Variants in ASIC2 observed in about 807,000 individuals in gnomAD.
ASIC2 encodes the protein acid-sensing ion channel 2.
Under a neutral mutation model 57.3 loss-of-function variants are expected in ASIC2, and 25 were observed. The ratio of observed to expected loss-of-function variants is 0.44; its 90% CI spans 0.32 to 0.61. The LOEUF (loss-of-function observed/expected upper bound fraction) is 0.61. ASIC2 is among the 20% of genes least tolerant of loss of function. ASIC2 has a pLI of 0.06. For synonymous variants in ASIC2, 319 were observed against 307.5 expected, an observed-to-expected ratio of 1.04 and a Z score of -0.39; for missense variants, 641 against 738.1, an observed-to-expected ratio of 0.87 and a Z score of 1.52.
intron 1 of ASIC2, among the ~76,000 whole-genome samples, chr17:33,250,379 C>A (rs1908838710): frequency 6.6e-6 from 1 of 152,184 alleles, no homozygotes; most frequent in Admixed American, 6.5e-5. Context: ...ATAGCCCAGC[C>A]CAGCACTTCG....
chr17:33,710,978 G>A (rs1227519662), intron 1 of ASIC2, among the ~76,000 whole-genome samples: 1 of 132,948 alleles, frequency 7.5e-6, no homozygotes, highest in Non-Finnish European at 1.6e-5. Flanking sequence ...ACAGGGTCTT[G>A]CTCTGTTATC....
chr17:33,640,906 T>C (rs1049165186), intron 1 of ASIC2, among the ~76,000 whole-genome samples: 1 of 152,124 alleles, frequency 6.6e-6, no homozygotes, highest in Non-Finnish European at 1.5e-5. Flanking sequence ...AGGAGGCATG[T>C]TTCATGGGGG....
chr17:33,790,921 A>G (rs1911750468), intron 1 of ASIC2, among the ~76,000 whole-genome samples: 2 of 152,168 alleles, frequency 1.3e-5, no homozygotes, highest in Non-Finnish European at 1.5e-5. Context: ...CAGATGCTAT[A>G]TTATCCCTTT....
intron 1 of ASIC2, among the ~76,000 whole-genome samples, chr17:33,415,328 C>G (rs1047658787): frequency 6.6e-6 from 1 of 152,152 alleles, no homozygotes. Flanking sequence ...CCCATATACT[C>G]TAAATTATCT....
intron 1 of ASIC2, among the ~76,000 whole-genome samples, chr17:33,837,704 T>C (rs1567730131): frequency 1.3e-5 from 2 of 152,154 alleles, no homozygotes; most frequent in Non-Finnish European, 2.9e-5. Flanking sequence ...CTACAGGGCT[T>C]AAATCTGTTA....
intron 5 of ASIC2, 144 bp downstream of exon 5, chr17:33,025,782 G>A (rs552773853): frequency 1.4e-6 from 1 of 724,106 alleles, no homozygotes; most frequent in Non-Finnish European, 2.1e-6. Context: ...CATCCCTGCA[G>A]CAACTCCACC....
intron 1 of ASIC2, among the ~76,000 whole-genome samples, chr17:33,140,014 T>C (rs774571881): frequency 7.2e-5 from 11 of 152,192 alleles, no homozygotes; most frequent in Non-Finnish European, 1.2e-4. Flanking sequence ...TATTTGGGTG[T>C]TTTTTCAAAT....
intron 1 of ASIC2, among the ~76,000 whole-genome samples, chr17:34,084,259 A>G (rs1910009150): frequency 6.6e-6 from 1 of 151,982 alleles, no homozygotes; most frequent in Non-Finnish European, 1.5e-5. Context: ...AGTTTTCCAC[A>G]TATGGCTAGC....
chr17:33,532,893 C>G (rs1210684871), intron 1 of ASIC2, among the ~76,000 whole-genome samples: 1 of 152,198 alleles, frequency 6.6e-6, no homozygotes, highest in Non-Finnish European at 1.5e-5. Context: ...TTGGCTGGGG[C>G]TCTCCTGTGC....
At chr17:33,584,891 C>G (rs150302988) in intron 1 of ASIC2, among the ~76,000 whole-genome samples, 2 of 152,180 alleles carry the variant, frequency 1.3e-5, no homozygotes, top group African/African-American at 4.8e-5. Flanking sequence ...AAGACAAAGA[C>G]AGGGCAGAGG....
At chr17:33,457,520 A>G (rs181141978) in intron 1 of ASIC2, among the ~76,000 whole-genome samples, 1 of 149,588 alleles carries the variant, frequency 6.7e-6, no homozygotes, top group Admixed American at 6.7e-5. Context: ...TTCTATATCC[A>G]CTTATTAAGA....
intron 1 of ASIC2, among the ~76,000 whole-genome samples, chr17:34,113,076 C>CAG (rs1911324166): frequency 1.3e-5 from 2 of 151,960 alleles, no homozygotes; most frequent in African/African-American, 4.8e-5. Context: ...ACAGTATCTT[C>CAG]ACTGTGGAAT....
chr17:33,648,964 C>T (rs1400821172), intron 1 of ASIC2, among the ~76,000 whole-genome samples: 2 of 152,156 alleles, frequency 1.3e-5, no homozygotes, highest in Admixed American at 6.5e-5. Context: ...CTAAAATACT[C>T]GATGCTGAAA....
chr17:34,051,595 T>C (rs575210820), intron 1 of ASIC2: 17 of 152,342 alleles, frequency 1.1e-4, no homozygotes, highest in South Asian at 6.2e-4. Flanking sequence ...TGGAGGTTCA[T>C]GCCTCCTTTG....
chr17:33,907,572 G>C (rs1915375649), intron 1 of ASIC2, among the ~76,000 whole-genome samples: 1 of 152,020 alleles, frequency 6.6e-6, no homozygotes, highest in Admixed American at 6.6e-5. Context: ...TCTCTACCAT[G>C]AGCCCACCAG....
At chr17:33,732,148 T>C (rs1909761999) in intron 1 of ASIC2, among the ~76,000 whole-genome samples, 1 of 152,176 alleles carries the variant, frequency 6.6e-6, no homozygotes, top group African/African-American at 2.4e-5. Flanking sequence ...CAAACACACA[T>C]AAAGCAGCAG....
At chr17:33,850,765 C>G (rs1185535374) in intron 1 of ASIC2, among the ~76,000 whole-genome samples, 1 of 152,070 alleles carries the variant, frequency 6.6e-6, no homozygotes, top group Non-Finnish European at 1.5e-5. Flanking sequence ...GCATCCAGAT[C>G]TGCCCTGGCC....
At chr17:34,066,419 G>A (rs1304780684) in intron 1 of ASIC2, among the ~76,000 whole-genome samples, 1 of 152,120 alleles carries the variant, frequency 6.6e-6, no homozygotes, top group East Asian at 1.9e-4. Context: ...TCTTGGGGTG[G>A]GTCCTCAGCA....
intron 1 of ASIC2, among the ~76,000 whole-genome samples, chr17:33,658,051 G>C (rs1907131830): frequency 6.6e-6 from 1 of 152,178 alleles, no homozygotes; most frequent in African/African-American, 2.4e-5. Flanking sequence ...ACTTTGGGCT[G>C]AAGGCTTGCC....
Sources: gnomAD v4.1 joint callset for allele counts (sites outside exome capture counted in the v4.1 genomes callset) on GRCh38, gnomAD v4.1.1 for gene constraint, MANE v1.5 for transcripts, NCBI Gene and HGNC (gene_info 2026-07-23, HGNC 2026-07-21) for gene names.